Variants in RANGAP1 observed in about 807,000 individuals in gnomAD.
RANGAP1 encodes the protein Ran GTPase activating protein 1, also known as ran GTPase-activating protein 1.
In RANGAP1, 38 loss-of-function variants were observed where a neutral mutation model predicts 63.5. The observed-to-expected ratio is 0.60, with a 90% confidence interval of 0.46 to 0.78. RANGAP1 has a LOEUF of 0.78. Ranked by LOEUF, RANGAP1 falls within the 30% of genes least tolerant of loss-of-function variation. RANGAP1 has a pLI of 0.00. For synonymous variants in RANGAP1, 329 were observed against 310.5 expected, an observed-to-expected ratio of 1.06 and a Z score of -0.63; for missense variants, 630 against 740.3, an observed-to-expected ratio of 0.85 and a Z score of 1.73.
At chr22:41,264,423 G>T (rs549498112) in intron 5 of RANGAP1, among the ~76,000 whole-genome samples, 155 of 152,370 alleles carry the variant, frequency 1.0e-3, no homozygotes, top group Non-Finnish European at 1.8e-3. Flanking sequence ...GCTGGAGCAG[G>T]TATGCAGTGG....
the RANGAP1 span, among the ~76,000 whole-genome samples, chr22:41,299,899 C>A: frequency 2.6e-5 from 4 of 152,008 alleles, no homozygotes; most frequent in African/African-American, 9.7e-5. Flanking sequence ...CTACAGGCTC[C>A]CGACACCACG....
upstream of RANGAP1, among the ~76,000 whole-genome samples, chr22:41,286,800 G>A (rs1056029759): frequency 3.9e-5 from 6 of 152,202 alleles, no homozygotes; most frequent in African/African-American, 1.4e-4. Context: ...CGCTTTCTGT[G>A]TGATGCACTG....
In RANGAP1 at chr22:41,257,877, A is replaced by C. The variant is rs2033936091; in HGVS notation, c.774+71T>G. ...AGGAGTCCCTGCTAAACGGAGCCCC[A>C]GCTTCCCTGGAAAGACAGCAGCCAG... On this transcript the variant is annotated intron_variant, in intron 7 of 15. Coordinates refer to ENST00000356244, the MANE Select transcript of RANGAP1 (RefSeq NM_002883.4). The surrounding 1 kb of genome is among the most constrained non-coding windows in gnomAD (Gnocchi z 4.0). The C allele has an allele frequency of 6.6e-7, 1 of 1,503,834 alleles. No individual in the cohort carries two copies. Among genetic ancestry groups the C allele is most frequent in the African/African-American group, 1.4e-5 (1 of 72,104 alleles). The allele number at this position is 1,503,834 out of a possible 1,614,324, so 93.2% of individuals were successfully genotyped here.
intron 1 of RANGAP1, chr22:41,281,338 T>A (rs1174221550): frequency 2.2e-6 from 2 of 896,950 alleles, no homozygotes; most frequent in African/African-American, 3.6e-5. Context: ...CCTCCTCTGC[T>A]AAACTGCCGC....
chr22:41,281,353 G>A (rs2035482384), intron 1 of RANGAP1: 2 of 935,566 alleles, frequency 2.1e-6, no homozygotes, highest in Non-Finnish European at 2.6e-6. Flanking sequence ...TGCCGCAGCT[G>A]GACACCCAGC....
chr22:41,278,882 T>C lies in RANGAP1; in HGVS notation c.112+2051A>G, dbSNP rs1285948040. Among the ~76,000 whole-genome samples the C allele has an allele frequency of 3.9e-5, 6 of 152,176 alleles. No individual in the cohort carries two copies. The East Asian group carries it at 1.2e-3, about 29-fold the overall frequency. On this transcript the variant is annotated intron_variant, in intron 2 of 15. Transcript: ENST00000356244. The stretch of plus-strand genomic sequence containing the variant: ...GGCCGGGCACGGTGGCTCACGCCTG[T>C]AATCCCAACACTTTGGGAGGCCGAG...
chr22:41,245,138 G>A lies in RANGAP1; in HGVS notation c.*1465C>T, dbSNP rs567230951. 1.3e-5 allele frequency among the ~76,000 whole-genome samples: 2 copies of A among 152,352 alleles called. No homozygotes were observed. Among genetic ancestry groups the A allele is most frequent in the African/African-American group, 4.8e-5 (2 of 41,576 alleles). ...ACACAGAAGACAGGGGACAGGGCCA[G>A]CAGTATCCTCTGCCACCTGGTCACC... On this transcript the variant is annotated 3_prime_UTR_variant, in exon 16 of 16. Coordinates refer to ENST00000356244, the MANE Select transcript of RANGAP1 (RefSeq NM_002883.4).
At chr22:41,273,993 G>T (rs982606229) in intron 3 of RANGAP1, among the ~76,000 whole-genome samples, 1 of 152,046 alleles carries the variant, frequency 6.6e-6, no homozygotes, top group Non-Finnish European at 1.5e-5. Flanking sequence ...CAGGAGAATC[G>T]CTTGAACCCA....
chr22:41,253,840 C>CT (rs2033638401), intron 11 of RANGAP1, among the ~76,000 whole-genome samples: 1 of 152,178 alleles, frequency 6.6e-6, no homozygotes, highest in African/African-American at 2.4e-5. Flanking sequence ...GGCCCGGTGG[C>CT]TCAATGCCTG....
intron 6 of RANGAP1, 135 bp from the exon 7 acceptor site, chr22:41,258,241 T>TG: frequency 1.0e-6 from 1 of 991,146 alleles, no homozygotes; most frequent in Non-Finnish European, 1.4e-6. Flanking sequence ...TGTGGGATTT[T>TG]GGGGCATGGC....
intron 1 of RANGAP1, among the ~76,000 whole-genome samples, chr22:41,282,743 G>C (rs1013430062): frequency 1.3e-5 from 2 of 152,192 alleles, no homozygotes; most frequent in Non-Finnish European, 2.9e-5. Context: ...CCTATAAATT[G>C]AAGCCAGCTA....
intron 7 of RANGAP1, 70 bp from the exon 8 acceptor site, chr22:41,256,894 G>A (rs568865741): frequency 1.7e-5 from 21 of 1,234,006 alleles, no homozygotes; most frequent in Non-Finnish European, 2.1e-5. Context: ...AGCCCCGGGG[G>A]CCCCACACGG....
rs377271865 is a variant in RANGAP1, at chr22:41,284,321, A to G, written c.-39+1665T>C. Among the ~76,000 whole-genome samples, 222 of 152,152 alleles carry G rather than the reference A, an allele frequency of 1.5e-3. 3 individuals are homozygous for G. Among genetic ancestry groups the G allele is most frequent in the African/African-American group, 5.1e-3 (210 of 41,510 alleles). ...GGTAGCTCACGCCTATAATCTCAGCACTTTGGGAGGCTGAGGTGGGTGGAT... is the reference window on the plus strand; with the variant it reads ...GGTAGCTCACGCCTATAATCTCAGCGCTTTGGGAGGCTGAGGTGGGTGGAT... On this transcript the variant is annotated intron_variant, in intron 1 of 15. Transcript: ENST00000356244.
upstream of RANGAP1, among the ~76,000 whole-genome samples, chr22:41,290,626 G>T (rs2035828197): frequency 6.6e-6 from 1 of 152,182 alleles, no homozygotes; most frequent in Non-Finnish European, 1.5e-5. Flanking sequence ...GCCTTTCTCT[G>T]TTGTGCAGCC....
intron 2 of RANGAP1, chr22:41,277,523 A>T (rs1253862035): frequency 8.4e-7 from 1 of 1,194,542 alleles, no homozygotes; most frequent in Non-Finnish European, 1.1e-6. Context: ...GTAGGGTGAC[A>T]TGTGGGAGGG....
chr22:41,256,425 AT>A (rs1280967056), intron 8 of RANGAP1, 135 bp from the exon 9 acceptor site: 35 of 816,630 alleles, frequency 4.3e-5, no homozygotes, highest in Non-Finnish European at 6.8e-5. Context: ...GGCAGGAAGA[AT>A]AACACCAACA....
At chr22:41,297,640 C>T in the RANGAP1 span, among the ~76,000 whole-genome samples, 2 of 149,850 alleles carry the variant, frequency 1.3e-5, no homozygotes, top group Admixed American at 1.3e-4. Flanking sequence ...ATTCTGGGCT[C>T]ACCCTCCTGA....
rs908307869 is a variant in RANGAP1 at position 41,279,642 on chromosome 22, A to G, written c.112+1291T>C. Among the ~76,000 whole-genome samples, 10 of 148,172 alleles carry G rather than the reference A, an allele frequency of 6.7e-5. No homozygotes were observed. The South Asian group carries it at 2.1e-3, about 32-fold the overall frequency. On this transcript the variant is annotated intron_variant, in intron 2 of 15. Coordinates refer to ENST00000356244, the MANE Select transcript of RANGAP1 (RefSeq NM_002883.4). ...GGGCAACAGAGCAAGACTATGTCTC[A>G]AAAAAAAAAATTAGCCAGGCGTGAT...
At chr22:41,287,802 A>C (rs1969666), upstream of RANGAP1, among the ~76,000 whole-genome samples, 52,028 of 151,790 alleles carry the variant, frequency 0.34, 9,451 homozygotes, top group Admixed American at 0.52. Context: ...GCCTGACCAA[A>C]ATGGAGAAAC....
Sources: gnomAD v4.1 joint callset for allele counts (sites outside exome capture counted in the v4.1 genomes callset) on GRCh38, gnomAD v4.1.1 for gene constraint, Gnocchi (gnomAD v3.1) non-coding constraint, MANE v1.5 for transcripts, NCBI Gene and HGNC (gene_info 2026-07-23, HGNC 2026-07-21) for gene names.